Variants in NSG2 observed in about 807,000 individuals in gnomAD.
The protein encoded by NSG2 is neuronal vesicle trafficking-associated protein 2.
In NSG2, 4 loss-of-function variants were observed where a neutral mutation model predicts 16.9. That is an observed-to-expected ratio of 0.24 (90% confidence interval 0.12 to 0.54). The LOEUF is 0.54. NSG2 is among the 20% of genes least tolerant of loss of function. The probability of loss-of-function intolerance (pLI) is 0.95; values close to 1 mark genes in which losing one functional copy is unlikely to be tolerated. For missense variants in NSG2, 179 were observed against 221.1 expected (o/e 0.81, Z 1.21); for synonymous variants, 98 against 88.7 (o/e 1.11, Z -0.59).
chr5:174,102,986 A>G (rs1434941919), intron 3 of NSG2, among the ~76,000 whole-genome samples: 1 of 124,932 alleles, frequency 8.0e-6, no homozygotes, highest in Non-Finnish European at 1.6e-5. Flanking sequence ...ATGGGCTTTC[A>G]CCATATTGGG....
intron 3 of NSG2, among the ~76,000 whole-genome samples, chr5:174,076,876 A>G (rs1760352751): frequency 6.6e-6 from 1 of 152,160 alleles, no homozygotes; most frequent in Non-Finnish European, 1.5e-5. Context: ...TCCAGCCCCA[A>G]ATGCTGAGAA....
chr5:174,098,524 G>A (rs573673989), intron 3 of NSG2, among the ~76,000 whole-genome samples: 6 of 152,208 alleles, frequency 3.9e-5, no homozygotes, highest in South Asian at 2.1e-4. Context: ...ATCTCTGGGC[G>A]TCCTAGAATG....
At chr5:174,055,490 C>T (rs531275624) in intron 2 of NSG2, among the ~76,000 whole-genome samples, 113 of 152,050 alleles carry the variant, frequency 7.4e-4, no homozygotes, top group African/African-American at 2.6e-3. Flanking sequence ...CCCAGCTACT[C>T]GGGAGGCTGA....
intron 2 of NSG2, among the ~76,000 whole-genome samples, chr5:174,061,366 C>T (rs191579012): frequency 2.2e-4 from 34 of 152,304 alleles, no homozygotes; most frequent in African/African-American, 7.5e-4. Context: ...CATGTATGTT[C>T]TTTCATTTGG....
chr5:174,061,312 TA>T (rs1263949505), intron 2 of NSG2, among the ~76,000 whole-genome samples: 1 of 152,236 alleles, frequency 6.6e-6, no homozygotes, highest in Non-Finnish European at 1.5e-5. Flanking sequence ...ATATTTCTAA[TA>T]ACTGGAATTT....
chr5:174,080,380 A>C (rs1416462167), intron 3 of NSG2, among the ~76,000 whole-genome samples: 1 of 150,894 alleles, frequency 6.6e-6, no homozygotes, highest in Non-Finnish European at 1.5e-5. Flanking sequence ...ATGTATGTGG[A>C]TATTTTACTA....
chr5:174,079,263 C>CTCT (rs529843041), intron 3 of NSG2, among the ~76,000 whole-genome samples: 53 of 143,482 alleles, frequency 3.7e-4, no homozygotes, highest in Non-Finnish European at 6.3e-4. Flanking sequence ...CTCTCTCTCT[C>CTCT]TTTTTTTTTT....
At chr5:174,047,557 G>A (rs922133621) in intron 2 of NSG2, among the ~76,000 whole-genome samples, 1 of 152,218 alleles carries the variant, frequency 6.6e-6, no homozygotes, top group African/African-American at 2.4e-5. Flanking sequence ...AGACCATGGA[G>A]TGGGGAAGGG....
chr5:174,097,140 C>T (rs185803556), intron 3 of NSG2, among the ~76,000 whole-genome samples: 25 of 152,110 alleles, frequency 1.6e-4, no homozygotes, highest in African/African-American at 5.1e-4. Context: ...GGTGGGGCAG[C>T]GGTCGCTGTG....
chr5:174,045,715 G>C lies in NSG2; in HGVS notation c.-151G>C, dbSNP rs1342956204. ...GCTCACGCCTGCTCTCAGAAGCTCC[G>C]ATCCAGACACACGCGAGGCGCTGTC... On this transcript the variant is annotated 5_prime_UTR_variant, in exon 1 of 5. Transcript: ENST00000303177. 3 of 152,376 alleles carry C rather than the reference G, an allele frequency of 2.0e-5. No homozygotes were observed. The South Asian group carries it at 6.2e-4, about 32-fold the overall frequency. The allele number at this position is 152,376 out of a possible 1,614,324, so 9.4% of individuals were successfully genotyped here. A position where few individuals can be genotyped will look rare whatever the true frequency, so the allele number is the denominator to read the frequency against.
chr5:174,106,295 C>A (rs1016019245), intron 4 of NSG2, among the ~76,000 whole-genome samples: 2 of 152,096 alleles, frequency 1.3e-5, no homozygotes, highest in African/African-American at 4.8e-5. Flanking sequence ...TGAGAAAAAA[C>A]AAGAGGTTCG....
chr5:174,090,460 C>A (rs1760704318), intron 3 of NSG2, among the ~76,000 whole-genome samples: 1 of 152,186 alleles, frequency 6.6e-6, no homozygotes, highest in Admixed American at 6.5e-5. Context: ...GTTTCAGACT[C>A]CAGGTGTTCA....
intron 2 of NSG2, among the ~76,000 whole-genome samples, chr5:174,063,012 G>T (rs1760077904): frequency 1.3e-5 from 2 of 152,182 alleles, no homozygotes; most frequent in Admixed American, 6.5e-5. Flanking sequence ...TAGCATCTCT[G>T]AGCTTGAGTT....
chr5:174,074,616 GC>G (rs1481823892), intron 3 of NSG2, among the ~76,000 whole-genome samples: 1 of 152,036 alleles, frequency 6.6e-6, no homozygotes, highest in Non-Finnish European at 1.5e-5. Context: ...CTTCCTAGGG[GC>G]TGCAGTGTGA....
Position 174,058,702 on chromosome 5 carries a change from A to G in NSG2, c.130-5530A>G, listed in dbSNP as rs144109278. Among the ~76,000 whole-genome samples, 3 of 152,336 alleles carry G rather than the reference A, an allele frequency of 2.0e-5. No individual in the cohort carries two copies. In the East Asian group the frequency reaches 5.8e-4, roughly 29 times the overall value. ...AGAGAGAACAAGCTTGTCAAAAATG[A>G]CTGAGAGGTCAAAGAAGATGAAGGC... On this transcript the variant is annotated intron_variant, in intron 2 of 4. Coordinates refer to ENST00000303177, the MANE Select transcript of NSG2 (RefSeq NM_015980.5).
At chr5:174,080,512 CCTCTTTCTTTCTTT>C (rs1307533702) in intron 3 of NSG2, among the ~76,000 whole-genome samples, 1 of 93,566 alleles carries the variant, frequency 1.1e-5, no homozygotes, top group Non-Finnish European at 2.3e-5. Flanking sequence ...TCTTTCTTTC[CCTCTTTCTTTCTTT>C]CTCTCTCTCT....
chr5:174,087,867 G>T (rs1185724653), intron 3 of NSG2, among the ~76,000 whole-genome samples: 10 of 152,026 alleles, frequency 6.6e-5, no homozygotes, highest in Non-Finnish European at 1.2e-4. Context: ...TGCATCTTAA[G>T]CCTTTCCAGT....
chr5:174,084,105 C>T (rs781333708), intron 3 of NSG2: 10 of 152,288 alleles, frequency 6.6e-5, no homozygotes, highest in East Asian at 3.9e-4. Flanking sequence ...ATACCTGCCT[C>T]CAACTTATGG....
intron 3 of NSG2, among the ~76,000 whole-genome samples, chr5:174,100,090 A>G (rs964589852): frequency 3.9e-5 from 6 of 152,356 alleles, no homozygotes; most frequent in Middle Eastern, 3.4e-3. Context: ...GACAGCCTCC[A>G]TTGAGCCTAA....
Sources: gnomAD v4.1 joint callset for allele counts (sites outside exome capture counted in the v4.1 genomes callset) on GRCh38, gnomAD v4.1.1 for gene constraint, MANE v1.5 for transcripts, NCBI Gene and HGNC (gene_info 2026-07-23, HGNC 2026-07-21) for gene names.